The following ARHGAP24 variants were observed in gnomAD, a reference collection of about 807,000 sequenced individuals.
The protein encoded by ARHGAP24 is Rho GTPase activating protein 24, also known as rho GTPase-activating protein 24.
A neutral mutation model predicts 76.4 loss-of-function variants in ARHGAP24; 50 were observed. That is an observed-to-expected ratio of 0.65 (90% CI 0.52 to 0.83). The LOEUF (loss-of-function observed/expected upper bound fraction) is 0.83. ARHGAP24 is among the 40% of genes least tolerant of loss of function. The pLI, the probability that ARHGAP24 is intolerant of heterozygous loss-of-function variation, is 0.00. For synonymous variants in ARHGAP24, 345 were observed against 323.3 expected (o/e 1.07, Z -0.72); for missense variants, 930 against 914.2 (o/e 1.02, Z -0.22).
At chr4:85,901,483 T>C (rs1734489684) in intron 3 of ARHGAP24, among the ~76,000 whole-genome samples, 1 of 152,158 alleles carries the variant, frequency 6.6e-6, no homozygotes, top group Non-Finnish European at 1.5e-5. Context: ...TGATGTTGGG[T>C]GTTCAGAATT....
chr4:85,950,096 C>G (rs967365946), intron 5 of ARHGAP24, among the ~76,000 whole-genome samples: 1 of 152,034 alleles, frequency 6.6e-6, no homozygotes, highest in African/African-American at 2.4e-5. Flanking sequence ...GCCTGTTACA[C>G]CTATGATATG....
chr4:85,985,488 G>A (rs1739931056), intron 8 of ARHGAP24, among the ~76,000 whole-genome samples: 2 of 152,146 alleles, frequency 1.3e-5, no homozygotes, highest in Admixed American at 6.5e-5. Flanking sequence ...TTGGAGGGTG[G>A]ATAATGGGAG....
At chr4:85,957,639 A>G (rs77381317) in intron 5 of ARHGAP24, among the ~76,000 whole-genome samples, 10 of 152,348 alleles carry the variant, frequency 6.6e-5, no homozygotes, top group African/African-American at 2.4e-4. Context: ...AAATACAGTC[A>G]GGTCACTCTT....
chr4:85,548,750 A>G (rs1002576311), intron 1 of ARHGAP24, among the ~76,000 whole-genome samples: 3 of 152,258 alleles, frequency 2.0e-5, no homozygotes, highest in African/African-American at 7.2e-5. Flanking sequence ...ATCTAGACCC[A>G]TGTTTCTCCT....
intron 4 of ARHGAP24, among the ~76,000 whole-genome samples, chr4:85,929,418 G>A (rs1274095920): frequency 6.6e-6 from 1 of 152,200 alleles, no homozygotes; most frequent in East Asian, 1.9e-4. Context: ...GGAACACAGA[G>A]GCCTTGGGGG....
At chr4:85,842,222 GT>G (rs1730635638) in intron 3 of ARHGAP24, among the ~76,000 whole-genome samples, 1 of 152,182 alleles carries the variant, frequency 6.6e-6, no homozygotes, top group Non-Finnish European at 1.5e-5. Flanking sequence ...GTAGATGGGA[GT>G]TTAAGGCCTT....
chr4:85,544,374 T>C (rs1725821781), intron 1 of ARHGAP24, among the ~76,000 whole-genome samples: 1 of 152,230 alleles, frequency 6.6e-6, no homozygotes, highest in African/African-American at 2.4e-5. Flanking sequence ...GTTTAATTAT[T>C]CCTTTATTCA....
At chr4:85,530,690 A>G (rs1725221774) in intron 1 of ARHGAP24, among the ~76,000 whole-genome samples, 1 of 152,052 alleles carries the variant, frequency 6.6e-6, no homozygotes, top group African/African-American at 2.4e-5. Context: ...TATGCCTCAC[A>G]GTTTTCAATA....
intron 3 of ARHGAP24, among the ~76,000 whole-genome samples, chr4:85,896,998 T>C (rs1362385279): frequency 1.3e-5 from 2 of 152,184 alleles, no homozygotes; most frequent in Non-Finnish European, 2.9e-5. Context: ...TGCAACTTTT[T>C]CACCTTGGGC....
chr4:85,977,191 G>C (rs1739392511), intron 7 of ARHGAP24, among the ~76,000 whole-genome samples: 1 of 152,106 alleles, frequency 6.6e-6, no homozygotes, highest in African/African-American at 2.4e-5. Context: ...CATCCTACCA[G>C]CTGATCTTAT....
intron 3 of ARHGAP24, chr4:85,778,937 G>A (rs1727415830): frequency 1.0e-6 from 1 of 985,418 alleles, no homozygotes; most frequent in South Asian, 4.7e-5. Context: ...GGGAACAGCT[G>A]TGCGTAGACC....
At chr4:85,825,119 A>C (rs1193978502) in intron 3 of ARHGAP24, among the ~76,000 whole-genome samples, 1 of 152,118 alleles carries the variant, frequency 6.6e-6, no homozygotes, top group African/African-American at 2.4e-5. Flanking sequence ...AAACAAAAAA[A>C]AAGAAAAGAA....
At chr4:85,750,675 T>C (rs906568136) in intron 3 of ARHGAP24, among the ~76,000 whole-genome samples, 2 of 151,882 alleles carry the variant, frequency 1.3e-5, no homozygotes, top group Admixed American at 6.6e-5. Context: ...TTTGGATTTT[T>C]TGTAGAGACG....
At chr4:85,970,501 C>T (rs563337528) in intron 5 of ARHGAP24, among the ~76,000 whole-genome samples, 2 of 152,180 alleles carry the variant, frequency 1.3e-5, no homozygotes, top group South Asian at 2.1e-4. Context: ...CCCTGAGGTC[C>T]TAGCCCAGGG....
intron 2 of ARHGAP24, among the ~76,000 whole-genome samples, chr4:85,656,210 A>G (rs937633762): frequency 6.6e-6 from 1 of 152,194 alleles, no homozygotes; most frequent in Non-Finnish European, 1.5e-5. Flanking sequence ...AAATGTATTT[A>G]AAAACACTGG....
At chr4:85,686,132 G>A (rs1002355307) in intron 2 of ARHGAP24, among the ~76,000 whole-genome samples, 2 of 152,180 alleles carry the variant, frequency 1.3e-5, no homozygotes, top group Admixed American at 6.5e-5. Flanking sequence ...CAAAAGACTG[G>A]CCTGGGCACA....
At chr4:85,756,598 T>C (rs1355061945) in intron 3 of ARHGAP24, among the ~76,000 whole-genome samples, 1 of 152,192 alleles carries the variant, frequency 6.6e-6, no homozygotes, top group East Asian at 1.9e-4. Flanking sequence ...TCTTTTTTTT[T>C]CCAATGACTT....
chr4:85,997,863 G>A (rs1387448455), intron 9 of ARHGAP24, among the ~76,000 whole-genome samples: 1 of 151,944 alleles, frequency 6.6e-6, no homozygotes, highest in Non-Finnish European at 1.5e-5. Context: ...TACCATGTTG[G>A]CCAGGCAGCT....
At chr4:85,827,665 C>CGCCG in intron 3 of ARHGAP24, 1 of 213,856 alleles carries the variant, frequency 4.7e-6, no homozygotes, top group Non-Finnish European at 9.6e-6. Flanking sequence ...AGTTTAGGGT[C>CGCCG]TTTCCATGAC....
Sources: gnomAD v4.1 joint callset for allele counts (sites outside exome capture counted in the v4.1 genomes callset) on GRCh38, gnomAD v4.1.1 for gene constraint, MANE v1.5 for transcripts, NCBI Gene and HGNC (gene_info 2026-07-23, HGNC 2026-07-21) for gene names.